CACNG3: variants seen among roughly 807,000 people sequenced by gnomAD.
CACNG3 encodes calcium voltage-gated channel auxiliary subunit gamma 3, also known as voltage-dependent calcium channel gamma-3 subunit.
In CACNG3, 3 loss-of-function variants were observed where a neutral mutation model predicts 28.5. That is an observed-to-expected ratio of 0.11 (90% CI 0.05 to 0.27). CACNG3 has a LOEUF of 0.27. Ranked by LOEUF, CACNG3 falls within the 10% of genes least tolerant of loss-of-function variation. The pLI is 1.00. For missense variants in CACNG3, 236 were observed against 414.4 expected, an observed-to-expected ratio of 0.57 and a Z score of 3.74; for synonymous variants, 174 against 162.2, an observed-to-expected ratio of 1.07 and a Z score of -0.55.
At chr16:24,304,679 G>T (rs934926840) in intron 1 of CACNG3, among the ~76,000 whole-genome samples, 2 of 152,012 alleles carry the variant, frequency 1.3e-5, no homozygotes, top group Admixed American at 6.6e-5. Context: ...GCTCAAGTTA[G>T]CCTCTCGAGG....
chr16:24,330,750 T>A (rs1362989349), intron 1 of CACNG3, among the ~76,000 whole-genome samples: 1 of 152,094 alleles, frequency 6.6e-6, no homozygotes, highest in Non-Finnish European at 1.5e-5. Context: ...CTTCAACCCT[T>A]CTCCCCAGAA....
intron 1 of CACNG3, among the ~76,000 whole-genome samples, chr16:24,309,308 C>T (rs1421915040): frequency 6.6e-6 from 1 of 152,186 alleles, no homozygotes; most frequent in Non-Finnish European, 1.5e-5. Context: ...ATAAGGGAGT[C>T]TCAGAGAGGT....
In CACNG3 at chr16:24,361,274, A is replaced by G. The variant is rs1449385047; in HGVS notation, c.437-78A>G. 3.4e-6 allele frequency: 4 copies of G among 1,179,934 alleles called. No individual in the cohort carries two copies. Among genetic ancestry groups the G allele is most frequent in the East Asian group, 2.4e-5 (1 of 42,474 alleles). 73.1% of individuals were successfully genotyped at this position (1,179,934 alleles called of 1,614,324 possible). A position where few individuals can be genotyped will look rare whatever the true frequency, so the allele number is the denominator to read the frequency against. ...TCTCCCCATTACCTCCACATTTTCTATAAATATTTTAAGATGGAAAGTGAC... is the reference window on the plus strand; with the variant it reads ...TCTCCCCATTACCTCCACATTTTCTGTAAATATTTTAAGATGGAAAGTGAC... On this transcript the variant is annotated intron_variant, in intron 3 of 3. Coordinates refer to ENST00000005284, the MANE Select transcript of CACNG3 (RefSeq NM_006539.4). This position sits in a 1 kb window ranked among gnomAD's most constrained non-coding sequence, Gnocchi z 6.8.
At chr16:24,325,828 G>A (rs969934043) in intron 1 of CACNG3, among the ~76,000 whole-genome samples, 4 of 152,256 alleles carry the variant, frequency 2.6e-5, no homozygotes, top group Non-Finnish European at 5.9e-5. Flanking sequence ...AGGTGCTGCT[G>A]TTCCAAACAG....
chr16:24,313,784 G>A (rs79436982), intron 1 of CACNG3, among the ~76,000 whole-genome samples: 17,463 of 151,710 alleles, frequency 0.12, 1,339 homozygotes, highest in African/African-American at 0.2. Context: ...TGGTTCTGTC[G>A]CCCAGGCTGG....
At chr16:24,335,528 C>T (rs1015149388) in intron 1 of CACNG3, among the ~76,000 whole-genome samples, 2 of 152,200 alleles carry the variant, frequency 1.3e-5, no homozygotes, top group African/African-American at 2.4e-5. Context: ...ATGCACTTGA[C>T]GAACACTGAC....
chr16:24,299,475 G>A (rs1899077326), intron 1 of CACNG3, among the ~76,000 whole-genome samples: 1 of 152,132 alleles, frequency 6.6e-6, no homozygotes, highest in Non-Finnish European at 1.5e-5. Flanking sequence ...AGCCATTTCT[G>A]CAAGGGTCCT....
chr16:24,286,849 G>A (rs1429402654), intron 1 of CACNG3, among the ~76,000 whole-genome samples: 1 of 152,224 alleles, frequency 6.6e-6, no homozygotes, highest in African/African-American at 2.4e-5. Flanking sequence ...TAACGACTGT[G>A]TGGGATTTCC....
chr16:24,300,199 G>T (rs767702166), intron 1 of CACNG3, among the ~76,000 whole-genome samples: 1 of 152,124 alleles, frequency 6.6e-6, no homozygotes, highest in Non-Finnish European at 1.5e-5. Flanking sequence ...GATCTAAACT[G>T]CTTCCAAACT....
In CACNG3 at chr16:24,300,905, C is replaced by T. The variant is rs138472227; in HGVS notation, c.211+43940C>T. On this transcript the variant is annotated intron_variant, in intron 1 of 3. Transcript: ENST00000005284. ...CTCTATGAAAAATACAAAAATTAGC[C>T]GGATGTGGTGGCACACACTTGTGGT... 2.6e-3 allele frequency among the ~76,000 whole-genome samples: 390 copies of T among 152,070 alleles called. 5 individuals are homozygous for T. Among genetic ancestry groups the T allele is most frequent in the African/African-American group, 8.8e-3 (364 of 41,472 alleles).
chr16:24,312,569 AC>A (rs1899278475), intron 1 of CACNG3, among the ~76,000 whole-genome samples: 3 of 152,072 alleles, frequency 2.0e-5, no homozygotes, highest in Admixed American at 1.3e-4. Context: ...TAATCCCAGC[AC>A]CCTGGGAGGT....
chr16:24,345,549 A>T (rs1899851621), intron 1 of CACNG3, among the ~76,000 whole-genome samples: 1 of 151,860 alleles, frequency 6.6e-6, no homozygotes, highest in African/African-American at 2.4e-5. Context: ...AAAATACAAA[A>T]ATTAGCCGGG....
chr16:24,351,532 T>G (rs960187705), intron 2 of CACNG3, among the ~76,000 whole-genome samples: 9 of 144,274 alleles, frequency 6.2e-5, no homozygotes, highest in African/African-American at 2.3e-4. Flanking sequence ...GATCGCACTA[T>G]TGCACTCCAA....
chr16:24,300,539 C>T (rs770496566), intron 1 of CACNG3, among the ~76,000 whole-genome samples: 1 of 151,808 alleles, frequency 6.6e-6, no homozygotes, highest in Non-Finnish European at 1.5e-5. Context: ...CAAGAGCCAA[C>T]CAAAATACAT....
At chr16:24,357,662 C>T (rs1900050715) in intron 3 of CACNG3, among the ~76,000 whole-genome samples, 1 of 152,190 alleles carries the variant, frequency 6.6e-6, no homozygotes, top group African/African-American at 2.4e-5. Flanking sequence ...GTGGCCTCTA[C>T]CTTGCTCTGT....
chr16:24,346,661 C>A (rs556129837), intron 1 of CACNG3, 73 bp from the exon 2 acceptor site: 2 of 912,188 alleles, frequency 2.2e-6, no homozygotes, highest in African/African-American at 3.0e-5. Context: ...CTGCACATAG[C>A]GGTGAGGACC....
At chr16:24,291,681 C>T (rs1338655992) in intron 1 of CACNG3, among the ~76,000 whole-genome samples, 1 of 152,108 alleles carries the variant, frequency 6.6e-6, no homozygotes, top group East Asian at 1.9e-4. Context: ...CCTCCTTCCC[C>T]CACTTACTGG....
At chr16:24,277,136 T>A (rs920791338) in intron 1 of CACNG3, among the ~76,000 whole-genome samples, 7 of 152,150 alleles carry the variant, frequency 4.6e-5, no homozygotes, top group African/African-American at 1.7e-4. Context: ...CTCACATCCA[T>A]TCCTCCTTTT....
chr16:24,356,204 A>G (rs1451980071), intron 3 of CACNG3, among the ~76,000 whole-genome samples: 1 of 151,920 alleles, frequency 6.6e-6, no homozygotes, highest in Non-Finnish European at 1.5e-5. Context: ...ACGGGGCTGG[A>G]CTCTGGTGAT....
Sources: gnomAD v4.1 joint callset for allele counts (sites outside exome capture counted in the v4.1 genomes callset) on GRCh38, gnomAD v4.1.1 for gene constraint, Gnocchi (gnomAD v3.1) non-coding constraint, MANE v1.5 for transcripts, NCBI Gene and HGNC (gene_info 2026-07-23, HGNC 2026-07-21) for gene names.